AASDH: variants seen among roughly 807,000 people sequenced by gnomAD.
The protein encoded by AASDH is beta-alanine-activating enzyme.
AASDH carries 81 observed loss-of-function variants against 102.3 expected under a neutral mutation model. That is an observed-to-expected ratio of 0.79 (90% CI 0.66 to 0.95). AASDH has a LOEUF of 0.95. AASDH is among the 40% of genes least tolerant of loss of function. AASDH has a pLI of 0.00. For missense variants in AASDH, 1,203 were observed against 1,266.2 expected (o/e 0.95, Z 0.76); for synonymous variants, 398 against 454.0 (o/e 0.88, Z 1.57).
chr4:56,340,509 T>G (rs1368336321), intron 14 of AASDH, among the ~76,000 whole-genome samples: 1 of 152,076 alleles, frequency 6.6e-6, no homozygotes, highest in African/African-American at 2.4e-5. Context: ...TCTCTCTCAC[T>G]GCATATAAAA....
At chr4:56,360,230 A>C (rs1750135212) in intron 5 of AASDH, among the ~76,000 whole-genome samples, 1 of 152,132 alleles carries the variant, frequency 6.6e-6, no homozygotes, top group Non-Finnish European at 1.5e-5. Flanking sequence ...CAGGAGTTGC[A>C]TCAGTCCTTT....
Position 56,371,650 on chromosome 4 carries a change from C to A in AASDH, c.669-7G>T. The A allele has an allele frequency of 6.3e-7, 1 of 1,596,724 alleles. No individual in the cohort carries two copies. ...TGTGATGTCAAAAAGTACCCTAAGG[C>A]AAAACAGAATGCAGTTATGAGAAAC... On this transcript the variant is annotated splice_region_variant and splice_polypyrimidine_tract_variant and intron_variant, in intron 4 of 14. Coordinates refer to ENST00000205214, the MANE Select transcript of AASDH (RefSeq NM_181806.4).
intron 5 of AASDH, among the ~76,000 whole-genome samples, chr4:56,362,022 A>G (rs1750358906): frequency 6.6e-6 from 1 of 152,224 alleles, no homozygotes; most frequent in African/African-American, 2.4e-5. Flanking sequence ...TAACTTTGTT[A>G]CCAAGAGTAT....
At chr4:56,387,035 T>C (rs1382212213) in intron 1 of AASDH, among the ~76,000 whole-genome samples, 3 of 152,140 alleles carry the variant, frequency 2.0e-5, no homozygotes, top group African/African-American at 4.8e-5. Context: ...GGCTTCTAAA[T>C]TTACGGTATG....
chr4:56,362,670 A>G (rs1031995305), intron 5 of AASDH, among the ~76,000 whole-genome samples: 2 of 152,228 alleles, frequency 1.3e-5, no homozygotes, highest in African/African-American at 4.8e-5. Context: ...AAAAAAGTGT[A>G]TATTATATCA....
chr4:56,365,892 A>G (rs1256372727), intron 5 of AASDH, among the ~76,000 whole-genome samples: 1 of 152,214 alleles, frequency 6.6e-6, no homozygotes, highest in Non-Finnish European at 1.5e-5. Context: ...AAGGAAATAG[A>G]GACACAAAAA....
At chr4:56,369,275 A>T (rs1751411791) in intron 5 of AASDH, among the ~76,000 whole-genome samples, 1 of 152,248 alleles carries the variant, frequency 6.6e-6, no homozygotes, top group South Asian at 2.1e-4. Context: ...GACCTGACAT[A>T]GAAGGAAAGT....
chr4:56,341,984 C>T (rs979208724), intron 14 of AASDH, among the ~76,000 whole-genome samples: 4 of 151,540 alleles, frequency 2.6e-5, no homozygotes, highest in Non-Finnish European at 5.9e-5. Context: ...TGGCAGCATG[C>T]GCCTGTAGTC....
At chr4:56,338,885 G>GAT (rs1747256471) in intron 14 of AASDH, 94 bp from the exon 15 acceptor site, 3 of 1,243,230 alleles carry the variant, frequency 2.4e-6, no homozygotes, top group Admixed American at 2.5e-5. Context: ...AAATCTAAGA[G>GAT]ATATAGGCTA....
At chr4:56,339,795 C>G (rs1301518241) in intron 14 of AASDH, among the ~76,000 whole-genome samples, 2 of 144,890 alleles carry the variant, frequency 1.4e-5, no homozygotes, top group Non-Finnish European at 3.0e-5. Context: ...TATCTTCTTA[C>G]AAACTATGTA....
At chr4:56,344,386 A>G (rs1748079476) in intron 12 of AASDH, among the ~76,000 whole-genome samples, 1 of 152,058 alleles carries the variant, frequency 6.6e-6, no homozygotes, top group Admixed American at 6.6e-5. Flanking sequence ...CATTCCTTTG[A>G]TTATTAAATT....
rs1199504823 is a variant in AASDH at position 56,384,101 on chromosome 4, G to T, written c.199C>A (p.Pro67Thr). Reference sequence around the variant, plus strand: ...ATCCAAGAGGGTAAGTCTATCCCAGGTTGGCAGTAGAGACCAATTTCCCGA... The same window carrying T: ...ATCCAAGAGGGTAAGTCTATCCCAGTTTGGCAGTAGAGACCAATTTCCCGA... The part of the protein sequence containing the change: ...GIREIGLYCQ[P>T]GIDLPSWILG... Residue 67 changes from proline to threonine, a missense_variant, in exon 2 of 15, where the codon CCT (proline) becomes ACT (threonine). Physicochemically the swap from Pro to Thr is conservative, Grantham distance 38 (BLOSUM62 -1). Transcript: ENST00000205214. 1 of 1,613,910 alleles carries T rather than the reference G, an allele frequency of 6.2e-7. No homozygotes were observed. The highest frequency in any genetic ancestry group is 8.5e-7 in the Non-Finnish European group (1 of 1,179,958).
At chr4:56,343,014 TC>T in intron 13 of AASDH, 48 bp from the exon 14 acceptor site, 1 of 1,472,264 alleles carries the variant, frequency 6.8e-7, no homozygotes, top group East Asian at 2.6e-5. Context: ...ATCCTACTAA[TC>T]AGTTACCCTT....
chr4:56,340,088 G>A (rs1006982422), intron 14 of AASDH, among the ~76,000 whole-genome samples: 1 of 152,176 alleles, frequency 6.6e-6, no homozygotes. Flanking sequence ...AGAATGGCTT[G>A]AACCCGGGAG....
intron 10 of AASDH, among the ~76,000 whole-genome samples, chr4:56,350,731 T>C (rs77929255): frequency 0.021 from 3,128 of 152,178 alleles, 48 homozygotes; most frequent in South Asian, 0.046. Context: ...GGCTGCTTCA[T>C]ATAAAGCAAA....
Position 56,349,456 on chromosome 4 carries a change from T to A in AASDH, c.2295A>T (p.Lys765Asn), listed in dbSNP as rs1382221413. ...LHVRWRSDTG[K>N]CVDASPLVVI... ...CAACCAGCGGTGAAGCATCTACACATTTGCCTGTGTCTGACCTCCACCTCA... is the reference window on the plus strand; with the variant it reads ...CAACCAGCGGTGAAGCATCTACACAATTGCCTGTGTCTGACCTCCACCTCA... Residue 765 changes from lysine to asparagine, a missense_variant, in exon 11 of 15, where the codon AAA (lysine) becomes AAT (asparagine). Lys to Asn is a moderately conservative substitution (Grantham distance 94). Coordinates refer to ENST00000205214, the MANE Select transcript of AASDH (RefSeq NM_181806.4). 2 of 1,614,094 alleles carry A rather than the reference T, an allele frequency of 1.2e-6. No homozygotes were observed. Among genetic ancestry groups the A allele is most frequent in the African/African-American group, 2.7e-5 (2 of 74,940 alleles).
chr4:56,379,159 T>A (rs1006343220), intron 3 of AASDH, among the ~76,000 whole-genome samples: 1 of 152,006 alleles, frequency 6.6e-6, no homozygotes, highest in Non-Finnish European at 1.5e-5. Context: ...AGTGCTGGGA[T>A]TACAGGCATG....
At chr4:56,372,433 G>T (rs773750479) in intron 4 of AASDH, among the ~76,000 whole-genome samples, 2 of 152,046 alleles carry the variant, frequency 1.3e-5, no homozygotes. Flanking sequence ...AGAGACTTCC[G>T]ACTCCCCTTT....
intron 11 of AASDH, among the ~76,000 whole-genome samples, chr4:56,346,294 T>C (rs1316834926): frequency 6.6e-6 from 1 of 152,130 alleles, no homozygotes. Context: ...TGCTTTTTTT[T>C]CCCCTGGCAG....
Sources: gnomAD v4.1 joint callset for allele counts (sites outside exome capture counted in the v4.1 genomes callset) on GRCh38, gnomAD v4.1.1 for gene constraint, MANE v1.5 for transcripts, NCBI Gene and HGNC (gene_info 2026-07-23, HGNC 2026-07-21) for gene names.